TASOR: variants seen among roughly 807,000 people sequenced by gnomAD.
TASOR encodes the protein protein TASOR.
In TASOR, 53 loss-of-function variants were observed where a neutral mutation model predicts 178.6. The ratio of observed to expected loss-of-function variants is 0.30; its 90% CI spans 0.24 to 0.37. TASOR has a LOEUF of 0.37. TASOR is among the 10% of genes least tolerant of loss of function. The pLI, the probability that TASOR is intolerant of heterozygous loss-of-function variation, is 1.00. For synonymous variants in TASOR, 713 were observed against 696.2 expected (o/e 1.02, Z -0.38); for missense variants, 1,815 against 1,971.4 (o/e 0.92, Z 1.50).
intron 17 of TASOR, among the ~76,000 whole-genome samples, chr3:56,634,364 T>C (rs748279823): frequency 8.5e-5 from 13 of 152,254 alleles, no homozygotes; most frequent in Non-Finnish European, 2.9e-5. Context: ...ATATCTACTA[T>C]GGTAATGGCC....
intron 1 of TASOR, among the ~76,000 whole-genome samples, chr3:56,678,177 ATTT>A (rs533306611): frequency 0.059 from 6,247 of 106,784 alleles, 370 homozygotes; most frequent in African/African-American, 0.21. Context: ...CACACTTATG[ATTT>A]TTTTTTTTTT....
chr3:56,682,604 G>A (rs1271045664), intron 1 of TASOR, 72 bp downstream of exon 1: 1 of 1,333,702 alleles, frequency 7.5e-7, no homozygotes, highest in African/African-American at 1.5e-5. Flanking sequence ...TGTGGGAAGA[G>A]GAGATAGAAA....
Position 56,638,754 on chromosome 3 carries a change from TTGCA to T in TASOR, c.2772_2775del (p.Asn924LysfsTer19). The T allele has an allele frequency of 6.2e-7, 1 of 1,614,128 alleles. No individual in the cohort carries two copies. The highest frequency in any genetic ancestry group is 8.5e-7 in the Non-Finnish European group (1 of 1,179,990). Reference sequence around the variant, plus strand: ...TTCCCCAGCTGGTCTTCTGGGCTTCTTGCATTCCCTCCTGAGGGAAAGCATCCAT... The same window carrying T: ...TTCCCCAGCTGGTCTTCTGGGCTTCTTTCCCTCCTGAGGGAAAGCATCCAT... On this transcript the variant is annotated frameshift_variant, in exon 17 of 24. Transcript: ENST00000683822. LOFTEE classifies it high-confidence loss of function.
intron 6 of TASOR, 57 bp downstream of exon 6, chr3:56,668,340 G>A (rs2030281975): frequency 3.3e-6 from 5 of 1,496,484 alleles, no homozygotes; most frequent in Admixed American, 2.1e-5. Context: ...ACATTTTAAA[G>A]GATTTGGTAA....
chr3:56,671,155 A>G (rs1012975885), intron 3 of TASOR, among the ~76,000 whole-genome samples: 1 of 151,964 alleles, frequency 6.6e-6, no homozygotes, highest in African/African-American at 2.4e-5. Flanking sequence ...CCTGGCCCAC[A>G]TGGTGATACC....
chr3:56,676,038 C>G (rs984086200), intron 1 of TASOR, among the ~76,000 whole-genome samples: 1 of 152,272 alleles, frequency 6.6e-6, no homozygotes, highest in African/African-American at 2.4e-5. Context: ...CAGGAGTAAG[C>G]TCAAACAAGT....
intron 18 of TASOR, among the ~76,000 whole-genome samples, chr3:56,631,619 T>A (rs1390446892): frequency 6.7e-6 from 1 of 149,400 alleles, no homozygotes; most frequent in Non-Finnish European, 1.5e-5. Flanking sequence ...AGTCTTGCTC[T>A]GTCGCCCAGG....
chr3:56,640,724 G>T (rs142256572), intron 15 of TASOR, among the ~76,000 whole-genome samples: 1 of 152,236 alleles, frequency 6.6e-6, no homozygotes, highest in Non-Finnish European at 1.5e-5. Flanking sequence ...TAAGCCCATA[G>T]GAATACGGTG....
rs141727197 is a variant in TASOR at position 56,669,680 on chromosome 3, AGTGT to A, written c.735+16_735+19del. On this transcript the variant is annotated intron_variant, in intron 5 of 23. Transcript: ENST00000683822. ...ATCAAGTGTAGTTTTTCATACATGAAGTGTGTAAGTTTAAATTACCTTCATTATT... is the reference window on the plus strand; with the variant it reads ...ATCAAGTGTAGTTTTTCATACATGAAGTAAGTTTAAATTACCTTCATTATT... 0.051 allele frequency: 71,935 copies of A among 1,416,552 alleles called. 2,006 individuals are homozygous for A. Among genetic ancestry groups the A allele is most frequent in the East Asian group, 0.094 (3,766 of 39,982 alleles). The allele number at this position is 1,416,552 out of a possible 1,614,324, so 87.7% of individuals were successfully genotyped here. A position where few individuals can be genotyped will look rare whatever the true frequency, so the allele number is the denominator to read the frequency against.
rs568187627 is a variant in TASOR at position 56,674,947 on chromosome 3, T to C, written c.332-1222A>G. Reference sequence around the variant, plus strand: ...CATTCTCCTGCCTCAGCCTCCCAAGTAGCTGGGACTACAGGCACCCACCAC... The same window carrying C: ...CATTCTCCTGCCTCAGCCTCCCAAGCAGCTGGGACTACAGGCACCCACCAC... On this transcript the variant is annotated intron_variant, in intron 1 of 23. Coordinates refer to ENST00000683822, the MANE Select transcript of TASOR (RefSeq NM_001365635.2). Among the ~76,000 whole-genome samples, 54 of 152,184 alleles carry C rather than the reference T, an allele frequency of 3.5e-4. 1 individual carries two copies. In the South Asian group the frequency reaches 5.8e-3, roughly 16 times the overall value.
chr3:56,640,010 GTAT>G lies in TASOR; in HGVS notation c.2737_2739del (p.Ile913del). ...CCTGTAATTGGAATCAGTTTCCAAT[GTAT>G]TTCAGTCTCTTCAACATTATTTGAC... On this transcript the variant is annotated inframe_deletion, in exon 16 of 24. Transcript: ENST00000683822. The G allele has an allele frequency of 6.2e-7, 1 of 1,609,420 alleles. No individual in the cohort carries two copies. Among genetic ancestry groups the G allele is most frequent in the Non-Finnish European group, 8.5e-7 (1 of 1,178,438 alleles).
chr3:56,634,872 A>G (rs191750484), intron 17 of TASOR, among the ~76,000 whole-genome samples: 4 of 152,328 alleles, frequency 2.6e-5, no homozygotes, highest in African/African-American at 9.6e-5. Flanking sequence ...TTTTTAAGCA[A>G]CAAGGGGAAA....
intron 17 of TASOR, among the ~76,000 whole-genome samples, chr3:56,638,013 T>C (rs1439458293): frequency 1.3e-5 from 2 of 152,172 alleles, no homozygotes; most frequent in African/African-American, 4.8e-5. Flanking sequence ...TAAAAGACTA[T>C]GAATAGTATA....
chr3:56,623,161 T>G lies in TASOR; in HGVS notation c.4889A>C (p.Gln1630Pro). Residue 1630 changes from glutamine (Q) to proline (P), a missense_variant, in exon 24 of 24, where the codon CAG becomes CCG. Gln to Pro is a moderately conservative substitution (Grantham distance 76). Around this residue, in one of 5 missense-constraint regions of TASOR, gnomAD observed 278 missense variants for 257.1 expected, o/e 1.08. Transcript: ENST00000683822. Reference protein sequence around the residue: ...LGTPYALSSSQSQENENYFLS... With the variant: ...LGTPYALSSSPSQENENYFLS... Reference sequence around the variant, plus strand: ...GAAGTAATTCTCATTTTCTTGAGACTGACTTGATGAAAGGGCATATGGTGT... The same window carrying G: ...GAAGTAATTCTCATTTTCTTGAGACGGACTTGATGAAAGGGCATATGGTGT... 6.2e-7 allele frequency: 1 copy of G among 1,613,872 alleles called. No homozygotes were observed. Among genetic ancestry groups the G allele is most frequent in the South Asian group, 1.1e-5 (1 of 91,070 alleles).
intron 15 of TASOR, among the ~76,000 whole-genome samples, chr3:56,640,869 T>G (rs953061985): frequency 6.6e-6 from 1 of 152,162 alleles, no homozygotes; most frequent in Non-Finnish European, 1.5e-5. Flanking sequence ...GAGAGTCACT[T>G]CAGGGGTAAT....
chr3:56,646,612 C>G lies in TASOR; in HGVS notation c.2125G>C (p.Val709Leu). 1 of 1,613,404 alleles carries G rather than the reference C, an allele frequency of 6.2e-7. No individual in the cohort carries two copies. The highest frequency in any genetic ancestry group is 1.1e-5 in the South Asian group (1 of 91,060). Residue 709 changes from valine to leucine, a missense_variant, in exon 14 of 24, where the codon GTC becomes CTC. This residue lies in a region of TASOR where 655 missense variants were observed against 671.1 expected (regional missense o/e 0.98). Transcript: ENST00000683822. ...AGATCCTCAAGCTTCCTCTTCAAGA[C>G]AGTTTTGCTTCTCATATCTTCTGTG... The part of the protein sequence containing the change: ...SDTEDMRSKT[V>L]LKRKLEDLPE...
intron 14 of TASOR, 80 bp downstream of exon 14, chr3:56,646,442 T>TAA: frequency 8.2e-7 from 1 of 1,215,734 alleles, no homozygotes; most frequent in Non-Finnish European, 1.1e-6. Context: ...CCTCAGGCTT[T>TAA]AATTTATACG....
At chr3:56,665,825 A>G (rs976131083) in intron 7 of TASOR, among the ~76,000 whole-genome samples, 3 of 152,100 alleles carry the variant, frequency 2.0e-5, no homozygotes, top group African/African-American at 4.8e-5. Flanking sequence ...CAAAAAAATT[A>G]GCCAGGCATG....
intron 11 of TASOR, among the ~76,000 whole-genome samples, chr3:56,658,493 A>G (rs2077519379): frequency 6.6e-6 from 1 of 152,142 alleles, no homozygotes; most frequent in East Asian, 1.9e-4. Context: ...TACTATCTCA[A>G]CTTTCACTTT....
Sources: allele counts gnomAD v4.1 joint callset (sites outside exome capture counted in the v4.1 genomes callset), GRCh38; gene constraint gnomAD v4.1.1; regional missense constraint gnomAD v4.1.1; transcripts MANE v1.5; gene names NCBI Gene and HGNC (gene_info 2026-07-23, HGNC 2026-07-21).